The following LNPEP variants were observed in gnomAD, a reference collection of about 807,000 sequenced individuals.
LNPEP encodes leucyl-cystinyl aminopeptidase.
Under a neutral mutation model 120.6 loss-of-function variants are expected in LNPEP, and 64 were observed. The ratio of observed to expected loss-of-function variants is 0.53; its 90% CI spans 0.43 to 0.65. The LOEUF (loss-of-function observed/expected upper bound fraction) is 0.65. Ranked by LOEUF, LNPEP falls within the 30% of genes least tolerant of loss-of-function variation. The pLI is 0.00. For missense variants in LNPEP, 1,057 were observed against 1,200.0 expected (o/e 0.88, Z 1.76); for synonymous variants, 435 against 425.4 (o/e 1.02, Z -0.28).
chr5:96,997,559 C>T (rs537855966), intron 7 of LNPEP, among the ~76,000 whole-genome samples: 2 of 151,976 alleles, frequency 1.3e-5, no homozygotes, highest in South Asian at 4.2e-4. Context: ...TATTTAAAAC[C>T]GACCTCAGGT....
chr5:97,000,515 GTGTCT>G (rs1459663718), intron 8 of LNPEP, among the ~76,000 whole-genome samples: 2 of 152,152 alleles, frequency 1.3e-5, no homozygotes, highest in Admixed American at 1.3e-4. Flanking sequence ...TTCCTTCTGG[GTGTCT>G]GGAGTTTTGG....
intron 12 of LNPEP, 120 bp from the exon 13 acceptor site, chr5:97,014,819 G>T (rs1408717611): frequency 1.8e-6 from 1 of 546,432 alleles, no homozygotes. Context: ...AAATGCCACT[G>T]TAAGTTTAAA....
At position 96,985,075 on chromosome 5, in the gene LNPEP, T is replaced by C. The variant is rs1489551753; in HGVS notation, c.861-5T>C. ...ACTACTGGATTGAATTTGTGTTTGT[T>C]TTAGGTACTTTGCAGCAACTCAGTT... On this transcript the variant is annotated splice_polypyrimidine_tract_variant and splice_region_variant and intron_variant, in intron 2 of 17. Transcript: ENST00000231368. 1 of 1,613,664 alleles carries C rather than the reference T, an allele frequency of 6.2e-7. No individual in the cohort carries two copies. The highest frequency in any genetic ancestry group is 1.3e-5 in the African/African-American group (1 of 74,898).
At chr5:97,022,178 C>T (rs1791216856) in intron 13 of LNPEP, 122 bp from the exon 14 acceptor site, 4 of 630,998 alleles carry the variant, frequency 6.3e-6, no homozygotes, top group Non-Finnish European at 8.2e-6. Flanking sequence ...ATCTGCCCGC[C>T]CCAGCTTCCC....
chr5:96,973,222 A>C (rs1366629848), intron 1 of LNPEP, among the ~76,000 whole-genome samples: 3 of 152,064 alleles, frequency 2.0e-5, no homozygotes, highest in Admixed American at 2.0e-4. Flanking sequence ...ATTTTCTTTG[A>C]GTATGGGTTT....
intron 2 of LNPEP, among the ~76,000 whole-genome samples, chr5:96,980,653 A>T (rs929821779): frequency 8.5e-5 from 13 of 152,202 alleles, no homozygotes; most frequent in Non-Finnish European, 1.5e-4. Context: ...TGGAGTTCAC[A>T]CAGTATGGAG....
In LNPEP at chr5:97,035,393, G is replaced by T. The variant is rs1791553825; in HGVS notation, c.*6860G>T. The T allele has an allele frequency of 6.6e-6, 1 of 151,970 alleles. No homozygotes were observed. Among genetic ancestry groups the T allele is most frequent in the Non-Finnish European group, 1.5e-5 (1 of 67,962 alleles). The allele number at this position is 151,970 out of a possible 1,614,324, so 9.4% of individuals were successfully genotyped here. ...ATAGGAAGTAGAATAGTTGTGTGTT[G>T]TTTACTTACTTGTCTGTTTTAGAGA... On this transcript the variant is annotated 3_prime_UTR_variant, in exon 18 of 18. Coordinates refer to ENST00000231368, the MANE Select transcript of LNPEP (RefSeq NM_005575.3).
chr5:96,957,752 C>T (rs1022715973), intron 1 of LNPEP, among the ~76,000 whole-genome samples: 1 of 152,154 alleles, frequency 6.6e-6, no homozygotes, highest in Non-Finnish European at 1.5e-5. Context: ...CCCAGTGAGA[C>T]CCATTGTAGA....
At chr5:96,994,620 C>T (rs1198727562) in intron 6 of LNPEP, among the ~76,000 whole-genome samples, 1 of 152,132 alleles carries the variant, frequency 6.6e-6, no homozygotes, top group East Asian at 1.9e-4. Flanking sequence ...TTCCCTAACA[C>T]CTTGTCTCTA....
intron 1 of LNPEP, among the ~76,000 whole-genome samples, chr5:96,957,489 G>C (rs1789497411): frequency 6.6e-6 from 1 of 152,142 alleles, no homozygotes; most frequent in Non-Finnish European, 1.5e-5. Context: ...TTAAAATAAA[G>C]AGGTTATCCT....
At chr5:96,962,305 T>G (rs1789624680) in intron 1 of LNPEP, among the ~76,000 whole-genome samples, 1 of 152,220 alleles carries the variant, frequency 6.6e-6, no homozygotes, top group Admixed American at 6.5e-5. Context: ...GGTTTGGAAC[T>G]TGGCTCTGCT....
intron 4 of LNPEP, among the ~76,000 whole-genome samples, chr5:96,991,121 A>G (rs1296000648): frequency 1.3e-5 from 2 of 152,084 alleles, no homozygotes; most frequent in African/African-American, 2.4e-5. Context: ...TTGCATCCTC[A>G]TAGCTTAGCT....
intron 6 of LNPEP, among the ~76,000 whole-genome samples, chr5:96,994,279 G>T (rs1790456454): frequency 6.6e-6 from 1 of 152,156 alleles, no homozygotes; most frequent in South Asian, 2.1e-4. Context: ...AAGTCATACA[G>T]CTAATAAGTG....
chr5:96,949,809 A>T (rs1789282028), intron 1 of LNPEP, among the ~76,000 whole-genome samples: 1 of 152,194 alleles, frequency 6.6e-6, no homozygotes, highest in South Asian at 2.1e-4. Context: ...ATGCTTAATA[A>T]ATGTTATCTG....
intron 1 of LNPEP, among the ~76,000 whole-genome samples, chr5:96,946,060 A>G (rs1789179324): frequency 6.6e-6 from 1 of 152,222 alleles, no homozygotes; most frequent in Non-Finnish European, 1.5e-5. Context: ...ATGACACTTG[A>G]GTCTTGGTGA....
At chr5:96,968,457 T>G (rs908435361) in intron 1 of LNPEP, among the ~76,000 whole-genome samples, 1 of 152,102 alleles carries the variant, frequency 6.6e-6, no homozygotes, top group Non-Finnish European at 1.5e-5. Context: ...GGGGGGAAAG[T>G]GAATATAATA....
intron 8 of LNPEP, among the ~76,000 whole-genome samples, chr5:96,999,260 A>T (rs928588338): frequency 6.6e-6 from 1 of 152,342 alleles, no homozygotes; most frequent in East Asian, 1.9e-4. Context: ...ATTGCTGCTA[A>T]AGTCCAGGCA....
chr5:96,936,350 G>A, intron 1 of LNPEP, 176 bp downstream of exon 1: 1 of 451,466 alleles, frequency 2.2e-6, no homozygotes, highest in Non-Finnish European at 3.7e-6. Flanking sequence ...TCGGGGGGCG[G>A]GCGGCGGCCA....
At chr5:96,956,346 G>C (rs1789465291) in intron 1 of LNPEP, among the ~76,000 whole-genome samples, 1 of 152,074 alleles carries the variant, frequency 6.6e-6, no homozygotes, top group Non-Finnish European at 1.5e-5. Flanking sequence ...GTGAAACCCT[G>C]TCTCTGCCAA....
Sources: gnomAD v4.1 joint callset for allele counts (sites outside exome capture counted in the v4.1 genomes callset) on GRCh38, gnomAD v4.1.1 for gene constraint, MANE v1.5 for transcripts, NCBI Gene and HGNC (gene_info 2026-07-23, HGNC 2026-07-21) for gene names.